Variants in POLQ observed in about 807,000 individuals in gnomAD.
POLQ encodes DNA polymerase theta.
In POLQ, 233 loss-of-function variants were observed where a neutral mutation model predicts 259.2. The ratio of observed to expected loss-of-function variants is 0.90; its 90% confidence interval spans 0.81 to 1.00. POLQ has a LOEUF of 1.00. Among genes scored for constraint, POLQ ranks in the 50% least tolerant of loss-of-function variants. The pLI is 0.00. For missense variants in POLQ, 2,871 were observed against 3,051.6 expected (o/e 0.94, Z 1.39); for synonymous variants, 1,025 against 1,048.8 (o/e 0.98, Z 0.44).
Position 121,496,905 on chromosome 3 carries a change from A to C in POLQ, c.2181T>G (p.Asp727Glu). The change falls in exon 14 of 30, where the codon GAT becomes GAG. Residue 727 changes from aspartate to glutamate, a missense_variant. Transcript: ENST00000264233. ...CCCTTAAGGGAACTTCACTGATTAAATCTAATAGCACAAGACTGGTGAAAA... is the reference window on the plus strand; with the variant it reads ...CCCTTAAGGGAACTTCACTGATTAACTCTAATAGCACAAGACTGGTGAAAA... ...KRFFTSLVLLDLISEVPLREI... is the reference protein window; with the variant it reads ...KRFFTSLVLLELISEVPLREI... The C allele has an allele frequency of 6.2e-7, 1 of 1,612,748 alleles. No individual in the cohort carries two copies. Among genetic ancestry groups the C allele is most frequent in the Non-Finnish European group, 8.5e-7 (1 of 1,179,692 alleles).
In POLQ at chr3:121,473,447, A is replaced by T. The variant is rs1266982082; in HGVS notation, c.6446T>A (p.Met2149Lys). 1.2e-6 allele frequency: 2 copies of T among 1,613,472 alleles called. No homozygotes were observed. The highest frequency in any genetic ancestry group is 1.1e-5 in the South Asian group (1 of 91,072). Residue 2149 changes from methionine to lysine, a missense_variant, in exon 21 of 30, where the codon ATG becomes AAG. By Grantham distance (95) the Met-to-Lys change is moderately conservative. Coordinates refer to ENST00000264233, the MANE Select transcript of POLQ (RefSeq NM_199420.4). ...AGTTTTCTTGCTGCCTTGGTTTTTC[A>T]TCTCTCTATTTGGGGGCAACTTCAA... The part of the protein sequence containing the change: ...LELKLPPNRE[M>K]KNQGSKKTLG...
chr3:121,494,785 C>T, intron 14 of POLQ: 4 of 1,495,626 alleles, frequency 2.7e-6, no homozygotes, highest in Non-Finnish European at 3.7e-6. Context: ...GGACCAATTA[C>T]AACGACAGAT....
At chr3:121,526,896 C>CGT (rs2048377632) in intron 7 of POLQ, among the ~76,000 whole-genome samples, 1 of 151,022 alleles carries the variant, frequency 6.6e-6, no homozygotes, top group Non-Finnish European at 1.5e-5. Context: ...TGTGTGCGCG[C>CGT]GCGCACGCAC....
Position 121,467,536 on chromosome 3 carries a change from G to C in POLQ, c.6950C>G (p.Ala2317Gly). The C allele has an allele frequency of 6.2e-7, 1 of 1,613,888 alleles. No individual in the cohort carries two copies. The highest frequency in any genetic ancestry group is 8.5e-7 in the Non-Finnish European group (1 of 1,179,816). ...GMPFSISMRH[A>G]FVPFPGGSIL... The stretch of plus-strand genomic sequence containing the variant: ...CACCTTACCTGGGAAAGGCACAAAG[G>C]CATGTCGCATGCTAATTGAAAATGG... The change falls in exon 24 of 30, where the codon GCC becomes GGC. Residue 2317 changes from alanine (A) to glycine (G), a missense_variant. Physicochemically the swap from Ala to Gly is moderately conservative, Grantham distance 60. This residue lies in a region of POLQ where 2,080 missense variants were observed against 2,126.0 expected (regional missense o/e 0.98). Transcript: ENST00000264233.
intron 12 of POLQ, among the ~76,000 whole-genome samples, chr3:121,501,139 T>A (rs189283445): frequency 2.0e-5 from 3 of 151,720 alleles, no homozygotes; most frequent in Admixed American, 6.6e-5. Flanking sequence ...AATTTTTGTA[T>A]TTTTCTGGTA....
At chr3:121,439,228 C>CTT (rs5852268) in intron 27 of POLQ, among the ~76,000 whole-genome samples, 1 of 143,050 alleles carries the variant, frequency 7.0e-6, no homozygotes, top group Non-Finnish European at 1.5e-5. Flanking sequence ...GAGATAGTGC[C>CTT]TTTTTTTTTT....
chr3:121,452,651 C>G (rs577920543), intron 25 of POLQ, among the ~76,000 whole-genome samples: 4 of 151,982 alleles, frequency 2.6e-5, no homozygotes, highest in Admixed American at 1.3e-4. Context: ...CAGTTGTCTC[C>G]GGCGGATAAG....
chr3:121,467,525 A>G lies in POLQ; in HGVS notation c.6961T>C (p.Phe2321Leu), dbSNP rs1473516771. Residue 2321 changes from phenylalanine to leucine, a missense_variant, in exon 24 of 30, where the codon TTC becomes CTC. Phe to Leu is a conservative substitution (Grantham distance 22). Around this residue, in one of 3 missense-constraint regions of POLQ, gnomAD observed 2,080 missense variants for 2,126.0 expected, o/e 0.98. Coordinates refer to ENST00000264233, the MANE Select transcript of POLQ (RefSeq NM_199420.4). ...SISMRHAFVPFPGGSILAADY... is the reference protein window; with the variant it reads ...SISMRHAFVPLPGGSILAADY... ...AAGCTATCAGCCACCTTACCTGGGA[A>G]AGGCACAAAGGCATGTCGCATGCTA... The G allele has an allele frequency of 3.7e-6, 6 of 1,613,516 alleles. No homozygotes were observed. The highest frequency in any genetic ancestry group is 4.2e-6 in the Non-Finnish European group (5 of 1,179,684).
chr3:121,491,768 C>T (rs1344411940), intron 15 of POLQ, among the ~76,000 whole-genome samples: 1 of 152,122 alleles, frequency 6.6e-6, no homozygotes, highest in Admixed American at 6.6e-5. Context: ...TTCCAAGTGG[C>T]CAGTTAAAAG....
chr3:121,470,241 G>A (rs866361812), intron 22 of POLQ, among the ~76,000 whole-genome samples: 1 of 152,142 alleles, frequency 6.6e-6, no homozygotes, highest in Non-Finnish European at 1.5e-5. Context: ...TCTGGCGACA[G>A]AGCGAGACTC....
At chr3:121,468,507 G>T in intron 22 of POLQ, 76 bp from the exon 23 acceptor site, 2 of 1,019,052 alleles carry the variant, frequency 2.0e-6, no homozygotes, top group African/African-American at 1.6e-5. Flanking sequence ...TCACATTTCT[G>T]GATTATCTTA....
chr3:121,521,224 C>T (rs2048333700), intron 8 of POLQ, among the ~76,000 whole-genome samples: 1 of 152,068 alleles, frequency 6.6e-6, no homozygotes. Context: ...TGAATTATCC[C>T]TTTATTCAGT....
Position 121,476,606 on chromosome 3 carries a change from A to G in POLQ, c.6339T>C (p.Ile2113=). ...CAGCTAGTTGATAGGCCTGGGTCTC[A>G]ATTGCATCCAGCTTGGCTTGCATTA... ...KHIMQAKLDA[I]ETQAYQLAGH... The change falls in exon 20 of 30, where the codon ATT becomes ATC. Residue 2113 remains isoleucine (I), a synonymous_variant. Coordinates refer to ENST00000264233, the MANE Select transcript of POLQ (RefSeq NM_199420.4). 4.3e-6 allele frequency: 7 copies of G among 1,613,996 alleles called. No individual in the cohort carries two copies. Among genetic ancestry groups the G allele is most frequent in the Middle Eastern group, 1.6e-4 (1 of 6,062 alleles).
At chr3:121,500,034 A>T (rs1214247479) in intron 12 of POLQ, among the ~76,000 whole-genome samples, 2 of 152,164 alleles carry the variant, frequency 1.3e-5, no homozygotes, top group African/African-American at 2.4e-5. Flanking sequence ...TAAAGCCAGC[A>T]CTTTGGGAGG....
At chr3:121,474,562 G>GT (rs2047911118) in intron 20 of POLQ, among the ~76,000 whole-genome samples, 5 of 152,258 alleles carry the variant, frequency 3.3e-5, no homozygotes, top group Admixed American at 3.3e-4. Context: ...AACTATTTGT[G>GT]TAAGTACAAG....
intron 25 of POLQ, among the ~76,000 whole-genome samples, chr3:121,453,676 A>G (rs1365486801): frequency 1.3e-5 from 2 of 152,236 alleles, no homozygotes; most frequent in African/African-American, 2.4e-5. Context: ...AGGGAAGTTT[A>G]GAGAAAAAAG....
chr3:121,529,271 C>G (rs1345807111), intron 7 of POLQ, among the ~76,000 whole-genome samples: 1 of 152,074 alleles, frequency 6.6e-6, no homozygotes, highest in East Asian at 1.9e-4. Context: ...TTACACATTC[C>G]TTTGGAAATA....
intron 7 of POLQ, among the ~76,000 whole-genome samples, chr3:121,525,031 A>G (rs1363594380): frequency 6.6e-6 from 1 of 152,108 alleles, no homozygotes; most frequent in Non-Finnish European, 1.5e-5. Flanking sequence ...AAAAATCCGC[A>G]CACAACTTGA....
At chr3:121,536,324 A>C (rs2048450372) in intron 5 of POLQ, among the ~76,000 whole-genome samples, 1 of 152,204 alleles carries the variant, frequency 6.6e-6, no homozygotes, top group South Asian at 2.1e-4. Flanking sequence ...AATTTAAAAG[A>C]AAGCTAGATC....
Sources: allele counts gnomAD v4.1 joint callset (sites outside exome capture counted in the v4.1 genomes callset), GRCh38; gene constraint gnomAD v4.1.1; regional missense constraint gnomAD v4.1.1; transcripts MANE v1.5; gene names NCBI Gene and HGNC (gene_info 2026-07-23, HGNC 2026-07-21).